Variants in PTPRM observed in about 807,000 individuals in gnomAD.
The protein encoded by PTPRM is receptor-type tyrosine-protein phosphatase mu.
PTPRM carries 47 observed loss-of-function variants against 186.7 expected under a neutral mutation model. That is an observed-to-expected ratio of 0.25 (90% confidence interval 0.20 to 0.32). The LOEUF is 0.32. Among genes scored for constraint, PTPRM ranks in the 10% least tolerant of loss-of-function variants. The pLI, the probability that PTPRM is intolerant of heterozygous loss-of-function variation, is 1.00. For synonymous variants in PTPRM, 668 were observed against 674.9 expected, an observed-to-expected ratio of 0.99 and a Z score of 0.16; for missense variants, 1,494 against 1,865.0, an observed-to-expected ratio of 0.80 and a Z score of 3.66.
intron 32 of PTPRM, 51 bp from the exon 33 acceptor site, chr18:8,406,058 G>T (rs766007558): frequency 2.4e-5 from 37 of 1,531,176 alleles, no homozygotes; most frequent in Non-Finnish European, 3.2e-5. Flanking sequence ...GCTTTACTAG[G>T]AACAGCGTTG....
intron 1 of PTPRM, among the ~76,000 whole-genome samples, chr18:7,682,809 C>T (rs139045522): frequency 6.6e-6 from 1 of 152,156 alleles, no homozygotes; most frequent in Non-Finnish European, 1.5e-5. Flanking sequence ...GGCTCAGATG[C>T]TGCCTCTTTC....
chr18:8,274,177 T>C (rs1316840273), intron 19 of PTPRM, among the ~76,000 whole-genome samples: 1 of 152,240 alleles, frequency 6.6e-6, no homozygotes, highest in African/African-American at 2.4e-5. Context: ...GTTTAGGGTC[T>C]TGATATCCAA....
chr18:7,621,264 A>G (rs2143970760), intron 1 of PTPRM, among the ~76,000 whole-genome samples: 1 of 152,312 alleles, frequency 6.6e-6, no homozygotes, highest in East Asian at 1.9e-4. Context: ...AGAATCCTTG[A>G]TCTAAAGAAC....
At chr18:7,694,850 A>G (rs2039810458) in intron 1 of PTPRM, among the ~76,000 whole-genome samples, 1 of 152,208 alleles carries the variant, frequency 6.6e-6, no homozygotes, top group South Asian at 2.1e-4. Flanking sequence ...ATATATTTAA[A>G]ACAATATTTT....
intron 7 of PTPRM, among the ~76,000 whole-genome samples, chr18:8,033,340 A>G (rs11081358): frequency 0.65 from 98,905 of 152,032 alleles, 32,458 homozygotes; most frequent in African/African-American, 0.73. Context: ...TGTATGTATC[A>G]TGACTATACA....
intron 14 of PTPRM, among the ~76,000 whole-genome samples, chr18:8,224,288 C>T (rs2094187878): frequency 6.6e-6 from 1 of 152,146 alleles, no homozygotes; most frequent in East Asian, 1.9e-4. Flanking sequence ...AATCTTGTGA[C>T]TCTTCAATCA....
At chr18:7,644,794 C>T (rs1361703460) in intron 1 of PTPRM, among the ~76,000 whole-genome samples, 1 of 152,114 alleles carries the variant, frequency 6.6e-6, no homozygotes. Flanking sequence ...CTAATTAGCA[C>T]ACCTATGCTC....
intron 2 of PTPRM, among the ~76,000 whole-genome samples, chr18:7,850,788 G>T (rs1428191340): frequency 6.6e-6 from 1 of 152,162 alleles, no homozygotes; most frequent in Admixed American, 6.5e-5. Flanking sequence ...TGTAGCCTCA[G>T]ATTTTCTCTA....
rs184072209 is a variant in PTPRM at position 7,604,487 on chromosome 18, T to C, written c.73+36596T>C. ...TGGCATTAGTGACAGCACCTGGAAA[T>C]ACTCATTCCAATTCAAATGAGTCTG... On this transcript the variant is annotated intron_variant, in intron 1 of 32. Transcript: ENST00000580170. Among the ~76,000 whole-genome samples the C allele has an allele frequency of 4.6e-3, 707 of 152,356 alleles. 10 individuals are homozygous for C. Among genetic ancestry groups the C allele is most frequent in the Non-Finnish European group, 5.0e-3 (337 of 68,040 alleles).
At chr18:8,310,084 T>G (rs2095256593) in intron 20 of PTPRM, among the ~76,000 whole-genome samples, 1 of 152,120 alleles carries the variant, frequency 6.6e-6, no homozygotes, top group Admixed American at 6.5e-5. Flanking sequence ...TGGCACCATC[T>G]TCTGCCCTTT....
intron 23 of PTPRM, among the ~76,000 whole-genome samples, chr18:8,349,288 C>T (rs2095521657): frequency 6.6e-6 from 1 of 152,132 alleles, no homozygotes; most frequent in African/African-American, 2.4e-5. Context: ...TATTAGTAAT[C>T]GTTTTTACTA....
At chr18:8,268,171 G>T (rs898226379) in intron 19 of PTPRM, among the ~76,000 whole-genome samples, 7 of 152,132 alleles carry the variant, frequency 4.6e-5, no homozygotes. Context: ...AATCTTGGGA[G>T]AATTGTCTTC....
intron 1 of PTPRM, among the ~76,000 whole-genome samples, chr18:7,588,754 G>A (rs2037047689): frequency 6.6e-6 from 1 of 152,174 alleles, no homozygotes; most frequent in Non-Finnish European, 1.5e-5. Context: ...CAGTTCTTCT[G>A]CTCTGAAATG....
chr18:7,990,817 C>G (rs181917061), intron 7 of PTPRM, among the ~76,000 whole-genome samples: 2 of 152,182 alleles, frequency 1.3e-5, no homozygotes, highest in African/African-American at 4.8e-5. Context: ...TCTGTGTATA[C>G]ATGATGGTGG....
At chr18:8,150,160 C>G (rs2092972588) in intron 14 of PTPRM, among the ~76,000 whole-genome samples, 1 of 152,048 alleles carries the variant, frequency 6.6e-6, no homozygotes. Context: ...TTGTGGTGTT[C>G]TCTGTATTTC....
intron 1 of PTPRM, among the ~76,000 whole-genome samples, chr18:7,698,045 T>C (rs1348206737): frequency 6.6e-6 from 1 of 152,322 alleles, no homozygotes; most frequent in Non-Finnish European, 1.5e-5. Context: ...CAGAGGAACA[T>C]GCAAGAACAG....
At chr18:8,129,427 G>A (rs892342629) in intron 13 of PTPRM, among the ~76,000 whole-genome samples, 3 of 152,088 alleles carry the variant, frequency 2.0e-5, no homozygotes, top group African/African-American at 7.2e-5. Flanking sequence ...TACCAATTGT[G>A]ATATTTTGAT....
At chr18:8,172,697 GA>G (rs5822993) in intron 14 of PTPRM, among the ~76,000 whole-genome samples, 73,396 of 132,642 alleles carry the variant, frequency 0.55, 18,540 homozygotes, top group African/African-American at 0.63. Flanking sequence ...GTAAACACAA[GA>G]AAAAAAAAAA....
intron 14 of PTPRM, among the ~76,000 whole-genome samples, chr18:8,170,679 G>T (rs1056619192): frequency 6.6e-6 from 1 of 152,124 alleles, no homozygotes; most frequent in Admixed American, 6.6e-5. Context: ...GCAAATTGCA[G>T]GGAGATTCCT....
Sources: allele counts gnomAD v4.1 joint callset (sites outside exome capture counted in the v4.1 genomes callset), GRCh38; gene constraint gnomAD v4.1.1; transcripts MANE v1.5; gene names NCBI Gene and HGNC (gene_info 2026-07-23, HGNC 2026-07-21).